CHRNB1: variants seen among roughly 807,000 people sequenced by gnomAD.
The protein encoded by CHRNB1 is cholinergic receptor nicotinic beta 1 subunit, also known as acetylcholine receptor subunit beta.
Under a neutral mutation model 53.8 loss-of-function variants are expected in CHRNB1, and 47 were observed. That is an observed-to-expected ratio of 0.87 (90% confidence interval 0.69 to 1.11). The LOEUF (loss-of-function observed/expected upper bound fraction) is 1.11, where lower values mean the gene tolerates loss of function less well. Ranked by LOEUF, CHRNB1 falls within the 50% of genes most tolerant of loss-of-function variation. The pLI, the probability that CHRNB1 is intolerant of heterozygous loss-of-function variation, is 0.00. For synonymous variants in CHRNB1, 259 were observed against 263.5 expected (o/e 0.98, Z 0.16); for missense variants, 605 against 654.9 (o/e 0.92, Z 0.83).
In CHRNB1 at chr17:7,455,377, G is replaced by A. The variant is rs375440711; in HGVS notation, c.1138G>A (p.Gly380Arg). 1.2e-6 allele frequency: 2 copies of A among 1,614,032 alleles called. No individual in the cohort carries two copies. Among genetic ancestry groups the A allele is most frequent in the Non-Finnish European group, 1.7e-6 (2 of 1,180,048 alleles). ...MPEPPHCSSP[G>R]SGWGRGTDEY... Reference sequence around the variant, plus strand: ...GGAGCCCCCTCACTGTTCTTCTCCAGGAAGTGGCTGGGGTCGGGGAACAGA... The same window carrying A: ...GGAGCCCCCTCACTGTTCTTCTCCAAGAAGTGGCTGGGGTCGGGGAACAGA... Residue 380 changes from glycine to arginine, a missense_variant, in exon 9 of 11, where the codon GGA (glycine) becomes AGA (arginine). Transcript: ENST00000306071.
rs770468832 is a variant in CHRNB1 at position 7,445,256 on chromosome 17, C to T, written c.59-14C>T. ...GCCAGGCACCAGGGCTGCACTTATTCTCTCCTCCCCCAGGCGTCCGCGGCT... is the reference window on the plus strand; with the variant it reads ...GCCAGGCACCAGGGCTGCACTTATTTTCTCCTCCCCCAGGCGTCCGCGGCT... On this transcript the variant is annotated splice_polypyrimidine_tract_variant and intron_variant, in intron 1 of 10. Coordinates refer to ENST00000306071, the MANE Select transcript of CHRNB1 (RefSeq NM_000747.3). This position sits in a 1 kb window ranked among gnomAD's most constrained non-coding sequence, Gnocchi z 5.7. The T allele has an allele frequency of 1.0e-4, 166 of 1,612,408 alleles. No homozygotes were observed. Among genetic ancestry groups the T allele is most frequent in the Non-Finnish European group, 1.3e-4 (159 of 1,179,644 alleles).
intron 10 of CHRNB1, 118 bp from the exon 11 acceptor site, chr17:7,456,465 C>A: frequency 7.6e-7 from 1 of 1,323,090 alleles, no homozygotes. Flanking sequence ...TTGGCGCTGC[C>A]GGCTGTTGCC....
intron 10 of CHRNB1, 68 bp downstream of exon 10, chr17:7,456,009 C>A: frequency 2.1e-6 from 3 of 1,407,072 alleles, no homozygotes; most frequent in Non-Finnish European, 3.0e-6. Context: ...AATTCCGCAC[C>A]AGCACTCGCT....
In CHRNB1 at chr17:7,446,853, G is replaced by C; in HGVS notation, c.264G>C (p.Leu88=). Residue 88 remains leucine (L), a synonymous_variant, in exon 4 of 11, where the codon CTG becomes CTC. Coordinates refer to ENST00000306071, the MANE Select transcript of CHRNB1 (RefSeq NM_000747.3). The part of the protein sequence containing the change: ...YLDLEWTDYR[L]SWDPAEHDGI... ...ACTAGGAGTGGACTGACTACAGGCT[G>C]AGCTGGGACCCTGCGGAGCACGACG... The C allele has an allele frequency of 6.2e-7, 1 of 1,613,958 alleles. No individual in the cohort carries two copies. The highest frequency in any genetic ancestry group is 8.5e-7 in the Non-Finnish European group (1 of 1,179,992).
chr17:7,456,029 T>G (rs968151529), intron 10 of CHRNB1, 88 bp downstream of exon 10: 1 of 1,224,202 alleles, frequency 8.2e-7, no homozygotes, highest in African/African-American at 1.6e-5. Context: ...TTTCGTTTTT[T>G]TTGTGTGGTT....
At position 7,445,166 on chromosome 17, in the gene CHRNB1, G is replaced by C. The variant is rs770359368; in HGVS notation, c.39G>C (p.Leu13=). The C allele has an allele frequency of 3.7e-5, 59 of 1,609,032 alleles. No homozygotes were observed. Among genetic ancestry groups the C allele is most frequent in the Admixed American group, 8.4e-5 (5 of 59,868 alleles). The change falls in exon 1 of 11, where the codon CTG becomes CTC. Residue 13 remains leucine, a synonymous_variant. Coordinates refer to ENST00000306071, the MANE Select transcript of CHRNB1 (RefSeq NM_000747.3). The surrounding 1 kb of genome is among the most constrained non-coding windows in gnomAD (Gnocchi z 5.7). ...CTCTGCTGATGCTGCTGGGGGCGCT[G>C]GGGGCGCCGCTCGCCCCAGGTAAGT... ...PGALLMLLGA[L]GAPLAPGVRG... is the part of the protein sequence containing the mutation.
Position 7,447,161 on chromosome 17 carries a change from C to A in CHRNB1, c.462+10C>A. The A allele has an allele frequency of 6.2e-7, 1 of 1,609,832 alleles. No homozygotes were observed. The highest frequency in any genetic ancestry group is 1.7e-4 in the Middle Eastern group (1 of 6,056). On this transcript the variant is annotated intron_variant, in intron 5 of 10. Coordinates refer to ENST00000306071, the MANE Select transcript of CHRNB1 (RefSeq NM_000747.3). ...CAGCTGCAGCATCCAGGTTTCCGGC[C>A]TCCACATTGGAAGCTGAAGGAGCTC...
At position 7,447,487 on chromosome 17, in the gene CHRNB1, T is replaced by C. The variant is rs765297443; in HGVS notation, c.463-16T>C. 4 of 1,613,864 alleles carry C rather than the reference T, an allele frequency of 2.5e-6. No homozygotes were observed. Among genetic ancestry groups the C allele is most frequent in the African/African-American group, 1.3e-5 (1 of 74,866 alleles). On this transcript the variant is annotated splice_polypyrimidine_tract_variant and intron_variant, in intron 5 of 10. Coordinates refer to ENST00000306071, the MANE Select transcript of CHRNB1 (RefSeq NM_000747.3). Reference sequence around the variant, plus strand: ...CTGGTTCTCTGGCAGCTCTAGTGACTCTCTCCTCCATCCAGGTCACCTACT... The same window carrying C: ...CTGGTTCTCTGGCAGCTCTAGTGACCCTCTCCTCCATCCAGGTCACCTACT...
chr17:7,452,062 T>C (rs568348344), intron 7 of CHRNB1, among the ~76,000 whole-genome samples: 7 of 150,884 alleles, frequency 4.6e-5, no homozygotes, highest in East Asian at 3.9e-4. Context: ...TTTTTCTTTT[T>C]TTTTTTTTTT....
Position 7,446,877 on chromosome 17 carries a change from C to T in CHRNB1, c.288C>T (p.Asp96=). 1 of 1,613,996 alleles carries T rather than the reference C, an allele frequency of 6.2e-7. No homozygotes were observed. Residue 96 remains aspartate (D), a synonymous_variant, in exon 4 of 11, where the codon GAC becomes GAT. Transcript: ENST00000306071. Reference sequence around the variant, plus strand: ...TGAGCTGGGACCCTGCGGAGCACGACGGCATCGATTCGCTCCGCATCACGG... The same window carrying T: ...TGAGCTGGGACCCTGCGGAGCACGATGGCATCGATTCGCTCCGCATCACGG... ...YRLSWDPAEH[D]GIDSLRITAE...
At position 7,446,233 on chromosome 17, in the gene CHRNB1, G is replaced by A. The variant is rs562629641; in HGVS notation, c.243+120G>A. 3.9e-4 allele frequency: 343 copies of A among 880,092 alleles called. 6 individuals are homozygous for A. In the South Asian group the frequency reaches 4.6e-3, roughly 12 times the overall value. The allele number at this position is 880,092 out of a possible 1,614,324, so 54.5% of individuals were successfully genotyped here. On this transcript the variant is annotated intron_variant, in intron 3 of 10. Transcript: ENST00000306071. ...TTTAGATAACACGTTTATAACTGAA[G>A]CAAAAGCTCGAAGAAACAACACTTA...
In CHRNB1 at chr17:7,456,633, G is replaced by A; in HGVS notation, c.1416G>A (p.Leu472=). The A allele has an allele frequency of 6.2e-7, 1 of 1,614,148 alleles. No individual in the cohort carries two copies. The highest frequency in any genetic ancestry group is 1.1e-5 in the South Asian group (1 of 91,078). ...CCATGGTAGTGGACCGCCTCTTCCT[G>A]TGGACTTTCATCATCTTCACCAGCG... ...FVAMVVDRLF[L]WTFIIFTSVG... is the part of the protein sequence containing the mutation. Residue 472 remains leucine (L), a synonymous_variant, in exon 11 of 11, where the codon CTG becomes CTA. Coordinates refer to ENST00000306071, the MANE Select transcript of CHRNB1 (RefSeq NM_000747.3).
Position 7,445,817 on chromosome 17 carries a change from A to G in CHRNB1, c.199-252A>G, listed in dbSNP as rs1045288035. ...ATGAGCTGAAGGCAGGGCCGGGGAC[A>G]GAGCTAGGCGGAGGGCTAGGCAGGG... On this transcript the variant is annotated intron_variant, in intron 2 of 10. Coordinates refer to ENST00000306071, the MANE Select transcript of CHRNB1 (RefSeq NM_000747.3). This position sits in a 1 kb window ranked among gnomAD's most constrained non-coding sequence, Gnocchi z 5.7. 2.0e-4 allele frequency: 126 copies of G among 619,050 alleles called. No individual in the cohort carries two copies. The highest frequency in any genetic ancestry group is 2.9e-4 in the Non-Finnish European group (104 of 354,100). The allele number at this position is 619,050 out of a possible 1,614,324, so 38.3% of individuals were successfully genotyped here.
intron 7 of CHRNB1, 129 bp downstream of exon 7, chr17:7,448,917 C>A (rs947263524): frequency 1.0e-6 from 1 of 958,788 alleles, no homozygotes; most frequent in Non-Finnish European, 1.6e-6. Context: ...CCCGCCCAGG[C>A]TCTGCCTCCC....
rs1038729726 is a variant in CHRNB1, at chr17:7,456,224, T to A, written c.1365+283T>A. 3.4e-4 allele frequency among the ~76,000 whole-genome samples: 52 copies of A among 151,964 alleles called. No individual in the cohort carries two copies. The Middle Eastern group carries it at 0.017, about 50-fold the overall frequency. Reference sequence around the variant, plus strand: ...GCGCGCCACCACGCCTGGCTAATTTTTGTATTTTTAGTAGAGACGTGGCTT... The same window carrying A: ...GCGCGCCACCACGCCTGGCTAATTTATGTATTTTTAGTAGAGACGTGGCTT... On this transcript the variant is annotated intron_variant, in intron 10 of 10. Coordinates refer to ENST00000306071, the MANE Select transcript of CHRNB1 (RefSeq NM_000747.3).
At chr17:7,455,597 T>C (rs1462229398) in intron 9 of CHRNB1, 141 bp downstream of exon 9, 2 of 1,254,700 alleles carry the variant, frequency 1.6e-6, no homozygotes, top group Non-Finnish European at 2.3e-6. Context: ...GCTGCTCACT[T>C]TGAGGGGAGG....
Position 7,455,930 on chromosome 17 carries a change from G to A in CHRNB1, c.1354G>A (p.Asp452Asn), listed in dbSNP as rs775880940. 1 of 1,614,036 alleles carries A rather than the reference G, an allele frequency of 6.2e-7. No homozygotes were observed. Among genetic ancestry groups the A allele is most frequent in the Non-Finnish European group, 8.5e-7 (1 of 1,180,010 alleles). The change falls in exon 10 of 11, where the codon GAC becomes AAC. Residue 452 changes from aspartate to asparagine, a missense_variant. Asp to Asn is a conservative substitution (Grantham distance 23). Coordinates refer to ENST00000306071, the MANE Select transcript of CHRNB1 (RefSeq NM_000747.3). ...YIARQLQEQE[D>N]HDALKEDWQF... ...CGCTCGACAGCTGCAGGAACAGGAG[G>A]ACCACGATGCGGTATGTCCAACGGG... is the stretch of plus-strand genomic sequence containing the variant.
In CHRNB1 at chr17:7,446,053, A is replaced by T. The variant is rs1372252868; in HGVS notation, c.199-16A>T. 6.2e-7 allele frequency: 1 copy of T among 1,613,746 alleles called. No individual in the cohort carries two copies. On this transcript the variant is annotated splice_polypyrimidine_tract_variant and intron_variant, in intron 2 of 10. Coordinates refer to ENST00000306071, the MANE Select transcript of CHRNB1 (RefSeq NM_000747.3). ...CACCCTACTTCACCTTTACGCCTTA[A>T]ATTTTTCCCTTCTAGAACGAGAAGG... is the stretch of plus-strand genomic sequence containing the variant.
intron 7 of CHRNB1, among the ~76,000 whole-genome samples, chr17:7,451,251 GTTCTTTTCTT>G (rs1555552159): frequency 1.9e-4 from 27 of 141,850 alleles, no homozygotes; most frequent in East Asian, 6.2e-4. Flanking sequence ...GATGTTTCAG[GTTCTTTTCTT>G]TTCTTTTCTT....
Sources: allele counts gnomAD v4.1 joint callset (sites outside exome capture counted in the v4.1 genomes callset), GRCh38; gene constraint gnomAD v4.1.1; non-coding constraint Gnocchi (gnomAD v3.1); transcripts MANE v1.5; gene names NCBI Gene and HGNC (gene_info 2026-07-23, HGNC 2026-07-21).